Variants in TBL1XR1 observed in about 807,000 individuals in gnomAD.
The protein encoded by TBL1XR1 is F-box-like/WD repeat-containing protein TBL1XR1.
In TBL1XR1, 5 loss-of-function variants were observed where a neutral mutation model predicts 66.9. The ratio of observed to expected loss-of-function variants is 0.07; its 90% confidence interval spans 0.04 to 0.16. The LOEUF (loss-of-function observed/expected upper bound fraction) is 0.16, where lower values mean the gene tolerates loss of function less well. TBL1XR1 is among the 10% of genes least tolerant of loss of function. The probability of loss-of-function intolerance (pLI) is 1.00; values close to 1 mark genes in which losing one functional copy is unlikely to be tolerated. For missense variants in TBL1XR1, 238 were observed against 623.2 expected (o/e 0.38, Z 6.58); for synonymous variants, 210 against 206.0 (o/e 1.02, Z -0.17).
chr3:177,135,892 C>T lies in TBL1XR1; in HGVS notation c.-121-37351G>A, dbSNP rs548652774. Among the ~76,000 whole-genome samples the T allele has an allele frequency of 3.0e-4, 45 of 151,754 alleles. 1 individual carries two copies. Among genetic ancestry groups the T allele is most frequent in the Middle Eastern group, 3.4e-3 (1 of 294 alleles). ...CACTCTGGAGGTTAATCCCAGAGGG[C>T]TGGAATTGGCCTTCTCGGATTAACC... On this transcript the variant is annotated intron_variant, in intron 1 of 15. Transcript: ENST00000457928.
chr3:177,022,792 G>A lies in TBL1XR1; in HGVS notation c.*2706C>T, dbSNP rs542080841. 6.6e-6 allele frequency: 1 copy of A among 152,564 alleles called. No homozygotes were observed. The highest frequency in any genetic ancestry group is 2.1e-4 in the South Asian group (1 of 4,820). 9.5% of individuals were successfully genotyped at this position (152,564 alleles called of 1,614,324 possible). On this transcript the variant is annotated 3_prime_UTR_variant, in exon 16 of 16. Transcript: ENST00000457928. Reference sequence around the variant, plus strand: ...TCAAATTAGAGACAATCTTATTGCTGTCTATTGGAGCAGCATCGTGGCACA... The same window carrying A: ...TCAAATTAGAGACAATCTTATTGCTATCTATTGGAGCAGCATCGTGGCACA...
intron 1 of TBL1XR1, among the ~76,000 whole-genome samples, chr3:177,140,432 T>G (rs1729504158): frequency 1.3e-5 from 2 of 152,180 alleles, no homozygotes; most frequent in Admixed American, 1.3e-4. Flanking sequence ...ACACAAAGAT[T>G]ACCATTTTCT....
chr3:177,190,337 G>A (rs1424872448), intron 1 of TBL1XR1, among the ~76,000 whole-genome samples: 2 of 151,812 alleles, frequency 1.3e-5, no homozygotes, highest in Non-Finnish European at 2.9e-5. Flanking sequence ...TGTATGTGAC[G>A]GAGTTGATGC....
chr3:177,031,893 A>G (rs1361780255), intron 14 of TBL1XR1, among the ~76,000 whole-genome samples: 1 of 152,072 alleles, frequency 6.6e-6, no homozygotes, highest in African/African-American at 2.4e-5. Context: ...TTTAGTCTAT[A>G]AAGAGCTGCT....
chr3:177,038,330 T>C lies in TBL1XR1; in HGVS notation c.1030A>G (p.Thr344Ala). The change falls in exon 11 of 16, where the codon ACA becomes GCA. Residue 344 changes from threonine (T) to alanine (A), a missense_variant. By Grantham distance (58) the Thr-to-Ala change is moderately conservative. Transcript: ENST00000457928. ...CKLGQDRPIKTFQGHTNEVNA... is the reference protein window; with the variant it reads ...CKLGQDRPIKAFQGHTNEVNA... ...TTTCTTACCGTATGTCCTTGGAATGTTTTAATAGGTCTGTCTTGTCCTAAT... is the reference window on the plus strand; with the variant it reads ...TTTCTTACCGTATGTCCTTGGAATGCTTTAATAGGTCTGTCTTGTCCTAAT... 1 of 1,596,290 alleles carries C rather than the reference T, an allele frequency of 6.3e-7. No homozygotes were observed. The highest frequency in any genetic ancestry group is 8.5e-7 in the Non-Finnish European group (1 of 1,170,254).
Position 177,050,458 on chromosome 3 carries a change from T to C in TBL1XR1, c.560+20A>G. The C allele has an allele frequency of 6.2e-7, 1 of 1,612,126 alleles. No homozygotes were observed. Among genetic ancestry groups the C allele is most frequent in the Non-Finnish European group, 8.5e-7 (1 of 1,179,118 alleles). ...ATAAGATATTTTTAAGTCATTTTAG[T>C]ATCACTTTGAGAAACATACCCTGAT... is the stretch of plus-strand genomic sequence containing the variant. On this transcript the variant is annotated intron_variant, in intron 6 of 15. Coordinates refer to ENST00000457928, the MANE Select transcript of TBL1XR1 (RefSeq NM_024665.7).
At position 177,049,983 on chromosome 3, in the gene TBL1XR1, A is replaced by G; in HGVS notation, c.702+14T>C. 1 of 1,612,540 alleles carries G rather than the reference A, an allele frequency of 6.2e-7. No homozygotes were observed. The highest frequency in any genetic ancestry group is 2.2e-5 in the East Asian group (1 of 44,834). ...ACTAGTAATTATATCCATCATGGAT[A>G]TAGTGATACTCACATTCCAATCTAG... On this transcript the variant is annotated intron_variant, in intron 7 of 15. Coordinates refer to ENST00000457928, the MANE Select transcript of TBL1XR1 (RefSeq NM_024665.7).
intron 3 of TBL1XR1, among the ~76,000 whole-genome samples, chr3:177,057,957 T>C (rs1403515184): frequency 6.6e-6 from 1 of 152,180 alleles, no homozygotes; most frequent in Admixed American, 6.5e-5. Context: ...AGCCATTTTC[T>C]ATAGATCGCT....
rs1451938967 is a variant in TBL1XR1 at position 177,156,129 on chromosome 3, C to T, written c.-122+40992G>A. Among the ~76,000 whole-genome samples the T allele has an allele frequency of 6.5e-5, 7 of 108,122 alleles. No individual in the cohort carries two copies. In the Admixed American group the frequency reaches 6.8e-4, roughly 11 times the overall value. The allele number at this position is 108,122 out of a possible 152,430, so 70.9% of individuals were successfully genotyped here. On this transcript the variant is annotated intron_variant, in intron 1 of 15. Coordinates refer to ENST00000457928, the MANE Select transcript of TBL1XR1 (RefSeq NM_024665.7). ...AACAGAAACCATTAAAAAAAAAAAA[C>T]CTAGAATTCATGAAAACGTGAAACT...
chr3:177,192,105 AAAAG>A (rs1258412795), intron 1 of TBL1XR1, among the ~76,000 whole-genome samples: 1 of 142,354 alleles, frequency 7.0e-6, no homozygotes, highest in African/African-American at 2.6e-5. Context: ...AAAAAAAAAA[AAAAG>A]AGTTGAAGCT....
intron 1 of TBL1XR1, among the ~76,000 whole-genome samples, chr3:177,118,689 T>C (rs1726607688): frequency 1.3e-5 from 2 of 152,230 alleles, no homozygotes; most frequent in South Asian, 2.1e-4. Flanking sequence ...CCATGCTTCA[T>C]TTCAGATGCT....
intron 2 of TBL1XR1, 96 bp from the exon 3 acceptor site, chr3:177,065,118 G>A (rs1718986073): frequency 2.5e-6 from 2 of 805,356 alleles, no homozygotes; most frequent in East Asian, 3.3e-5. Context: ...ATTAAATGAT[G>A]TAAAACGAAG....
chr3:177,122,765 G>A (rs1727131071), intron 1 of TBL1XR1, among the ~76,000 whole-genome samples: 1 of 152,116 alleles, frequency 6.6e-6, no homozygotes, highest in Non-Finnish European at 1.5e-5. Flanking sequence ...CATAAGTGCA[G>A]AAAAGACTCA....
At chr3:177,034,144 G>C in intron 13 of TBL1XR1, 54 bp downstream of exon 13, 1 of 1,520,126 alleles carries the variant, frequency 6.6e-7, no homozygotes, top group East Asian at 2.4e-5. Context: ...CATATCTATT[G>C]GAAGTCTGAT....
intron 1 of TBL1XR1, among the ~76,000 whole-genome samples, chr3:177,125,262 AG>A (rs1190718015): frequency 2.6e-5 from 4 of 152,212 alleles, no homozygotes; most frequent in African/African-American, 9.6e-5. Context: ...GATACCCCAA[AG>A]AGTAAAATAC....
At chr3:177,064,842 C>T in intron 3 of TBL1XR1, 78 bp downstream of exon 3, 1 of 1,026,422 alleles carries the variant, frequency 9.7e-7, no homozygotes, top group Non-Finnish European at 1.4e-6. Flanking sequence ...TGGACTGATA[C>T]AAATTTCAAA....
rs115992241 is a variant in TBL1XR1 at position 177,102,630 on chromosome 3, G to A, written c.-121-4089C>T. 3.2e-4 allele frequency among the ~76,000 whole-genome samples: 48 copies of A among 152,274 alleles called. No individual in the cohort carries two copies. The East Asian group carries it at 5.0e-3, about 16-fold the overall frequency. ...TTCAAGTCCAAAACATGTGTGTCCC[G>A]TCTATCTGCATTTCTACTTTTACTC... On this transcript the variant is annotated intron_variant, in intron 1 of 15. Transcript: ENST00000457928.
intron 1 of TBL1XR1, among the ~76,000 whole-genome samples, chr3:177,098,749 T>C (rs1408523685): frequency 1.3e-5 from 2 of 152,174 alleles, no homozygotes; most frequent in Non-Finnish European, 2.9e-5. Flanking sequence ...TCATAAGAGG[T>C]TGGCACAGTG....
At position 177,051,592 on chromosome 3, in the gene TBL1XR1, A is replaced by AGCTGCAGCAGCTGCTGCC. The variant is rs1364067120; in HGVS notation, c.321_338dup (p.Ala113_Ala118dup). ...CTTGTTGGCTGGCTGCAGCTGCGGC[A>AGCTGCAGCAGCTGCTGCC]GCTGCAGCAGCTGCTGCCTGTTGCT... On this transcript the variant is annotated inframe_insertion, in exon 5 of 16. Coordinates refer to ENST00000457928, the MANE Select transcript of TBL1XR1 (RefSeq NM_024665.7). 6.2e-6 allele frequency: 10 copies of AGCTGCAGCAGCTGCTGCC among 1,613,252 alleles called. No individual in the cohort carries two copies. The highest frequency in any genetic ancestry group is 8.5e-6 in the Non-Finnish European group (10 of 1,179,704).
Sources: allele counts gnomAD v4.1 joint callset (sites outside exome capture counted in the v4.1 genomes callset), GRCh38; gene constraint gnomAD v4.1.1; transcripts MANE v1.5; gene names NCBI Gene and HGNC (gene_info 2026-07-23, HGNC 2026-07-21).